The following COL5A3 variants were observed in gnomAD, a reference collection of about 807,000 sequenced individuals.
The protein encoded by COL5A3 is collagen type V alpha 3 chain, also known as collagen alpha-3(V) chain.
Under a neutral mutation model 250.0 loss-of-function variants are expected in COL5A3, and 172 were observed. The ratio of observed to expected loss-of-function variants is 0.69; its 90% CI spans 0.61 to 0.78. The LOEUF is 0.78. Among genes scored for constraint, COL5A3 ranks in the 30% least tolerant of loss-of-function variants. The pLI is 0.00. For missense variants in COL5A3, 2,340 were observed against 2,334.4 expected (o/e 1.00, Z -0.05); for synonymous variants, 937 against 900.4 (o/e 1.04, Z -0.73).
intron 54 of COL5A3, among the ~76,000 whole-genome samples, 196 bp from the exon 55 acceptor site, chr19:9,970,118 GGA>G (rs1318290653): frequency 1.8e-5 from 1 of 54,394 alleles, no homozygotes; most frequent in African/African-American, 1.2e-4. Context: ...GTGGGTGAGT[GGA>G]GGCTGTGGGT....
chr19:9,985,595 C>T (rs2087088227), intron 31 of COL5A3, among the ~76,000 whole-genome samples: 1 of 151,968 alleles, frequency 6.6e-6, no homozygotes, highest in Non-Finnish European at 1.5e-5. Context: ...TCATAGGGAC[C>T]ACGTTTTGCC....
intron 27 of COL5A3, 124 bp downstream of exon 27, chr19:9,989,000 C>A: frequency 1.0e-6 from 1 of 960,172 alleles, no homozygotes; most frequent in South Asian, 1.3e-5. Flanking sequence ...AACCCCAGTC[C>A]CACTACATTT....
chr19:9,966,371 A>C lies in COL5A3; in HGVS notation c.4725T>G (p.Phe1575Leu), dbSNP rs775695009. 3 of 1,610,416 alleles carry C rather than the reference A, an allele frequency of 1.9e-6. No individual in the cohort carries two copies. Among genetic ancestry groups the C allele is most frequent in the Non-Finnish European group, 1.7e-6 (2 of 1,177,874 alleles). The change falls in exon 64 of 67, where the codon TTT (phenylalanine) becomes TTG (leucine). Residue 1575 changes from phenylalanine (F) to leucine (L), a missense_variant. Physicochemically the swap from Phe to Leu is conservative, Grantham distance 22. Around this residue, in one of 3 missense-constraint regions of COL5A3, gnomAD observed 1,179 missense variants for 1,162.6 expected, o/e 1.01. Coordinates refer to ENST00000264828, the MANE Select transcript of COL5A3 (RefSeq NM_015719.4). ...QGCARDSFRVFCNFTAGGETC... is the reference protein window; with the variant it reads ...QGCARDSFRVLCNFTAGGETC... ...TCTCTCCTCCCGCCGTGAAGTTGCA[A>C]AAAACCCTGAACGAGTCCCGCGCGC... is the stretch of plus-strand genomic sequence containing the variant.
At chr19:9,970,422 G>A (rs370850216) in intron 54 of COL5A3, among the ~76,000 whole-genome samples, 200 bp downstream of exon 54, 26 of 80,912 alleles carry the variant, frequency 3.2e-4, no homozygotes, top group East Asian at 2.7e-3. Context: ...AGTGGGGGCT[G>A]TAAGGTGAGT....
At chr19:9,979,275 G>T (rs757866072) in intron 38 of COL5A3, 36 bp from the exon 39 acceptor site, 1 of 1,599,424 alleles carries the variant, frequency 6.3e-7, no homozygotes, top group Admixed American at 1.7e-5. Flanking sequence ...AGTGGGGGTG[G>T]CCTAGGGGAG....
chr19:9,975,901 G>A (rs1394955235), intron 45 of COL5A3, among the ~76,000 whole-genome samples: 3 of 151,978 alleles, frequency 2.0e-5, no homozygotes, highest in African/African-American at 4.8e-5. Context: ...GTTGGGTTGG[G>A]ATTGGGCCAG....
chr19:9,989,458 A>G lies in COL5A3; in HGVS notation c.2046+11T>C, dbSNP rs2145116363. 2.5e-6 allele frequency: 4 copies of G among 1,612,888 alleles called. No homozygotes were observed. Among genetic ancestry groups the G allele is most frequent in the South Asian group, 1.1e-5 (1 of 90,988 alleles). On this transcript the variant is annotated intron_variant, in intron 25 of 66. Transcript: ENST00000264828. ...TTCTCCTTCCTCCTTTTCCCAGCTC[A>G]TGGTTCTCACCAGAGGGCCATCGGA...
chr19:9,976,963 C>T (rs73502989), intron 44 of COL5A3, among the ~76,000 whole-genome samples: 11 of 152,224 alleles, frequency 7.2e-5, no homozygotes, highest in African/African-American at 2.4e-4. Context: ...GTGTCACTAA[C>T]AATGGAGAAG....
At chr19:9,977,947 C>CATATATATATATATATATATATATATAT (rs372091609) in intron 41 of COL5A3, among the ~76,000 whole-genome samples, 2 of 106,162 alleles carry the variant, frequency 1.9e-5, no homozygotes, top group Admixed American at 1.1e-4. Context: ...GCAGCCTATA[C>CATATATATATATATATATATATATATAT]ATATATATAT....
intron 45 of COL5A3, among the ~76,000 whole-genome samples, chr19:9,975,540 T>C (rs550816305): frequency 1.3e-3 from 191 of 152,288 alleles, no homozygotes; most frequent in African/African-American, 4.3e-3. Flanking sequence ...AAGTTGAGCA[T>C]GAGGTTGAGA....
intron 37 of COL5A3, among the ~76,000 whole-genome samples, 193 bp downstream of exon 37, chr19:9,979,646 C>T (rs898414151): frequency 7.9e-5 from 12 of 151,996 alleles, no homozygotes; most frequent in Non-Finnish European, 1.8e-4. Context: ...AAAAATTAGC[C>T]GGGCGTGGTG....
chr19:9,971,157 G>A (rs749933902), intron 52 of COL5A3, 48 bp downstream of exon 52: 1 of 1,479,992 alleles, frequency 6.8e-7, no homozygotes, highest in South Asian at 1.3e-5. Flanking sequence ...AGGGAGATGG[G>A]GACAGAATTA....
At chr19:9,973,488 C>G in intron 50 of COL5A3, 82 bp downstream of exon 50, 1 of 1,414,538 alleles carries the variant, frequency 7.1e-7, no homozygotes, top group Non-Finnish European at 9.7e-7. Flanking sequence ...TTGCACTGTC[C>G]AGAGGTCAAA....
chr19:9,974,404 G>C lies in COL5A3; in HGVS notation c.3347C>G (p.Ala1116Gly). Residue 1116 changes from alanine (A) to glycine (G), a missense_variant, in exon 46 of 67, where the codon GCA becomes GGA. Physicochemically the swap from Ala to Gly is moderately conservative, Grantham distance 60. Transcript: ENST00000264828. ...TCCCCGGCGCCCCTGAGCCCCGTCTGCTCCCTGGAAGAACACAAACAGGGG... is the reference window on the plus strand; with the variant it reads ...TCCCCGGCGCCCCTGAGCCCCGTCTCCTCCCTGGAAGAACACAAACAGGGG... ...GPAGHPGPPGADGAQGRRGPP... is the reference protein window; with the variant it reads ...GPAGHPGPPGGDGAQGRRGPP... 2.5e-6 allele frequency: 4 copies of C among 1,590,810 alleles called. No individual in the cohort carries two copies. Among genetic ancestry groups the C allele is most frequent in the Non-Finnish European group, 3.4e-6 (4 of 1,171,056 alleles).
intron 45 of COL5A3, among the ~76,000 whole-genome samples, chr19:9,975,332 G>C (rs1415941949): frequency 6.6e-6 from 1 of 151,986 alleles, no homozygotes; most frequent in Non-Finnish European, 1.5e-5. Flanking sequence ...CACCCGCCTT[G>C]GCCTCCCAAA....
Position 10,004,145 on chromosome 19 carries a change from C to A in COL5A3, c.595G>T (p.Gly199Ter). The change falls in exon 5 of 67, where the codon GGA becomes TGA. Residue 199 changes from glycine (G) to a stop codon, truncating the protein, a stop_gained and splice_region_variant. Transcript: ENST00000264828. LOFTEE classifies it high-confidence loss of function. ...CTTATCAGCAGCTCCTGAATGTCTC[C>A]CTGGGGGTTGGGGGTGTAGGAGTCA... is the stretch of plus-strand genomic sequence containing the variant. ...TQDLGEKTFEGDIQELLISPD... is the reference protein window; with the variant it reads ...TQDLGEKTFE The A allele has an allele frequency of 6.2e-7, 1 of 1,612,894 alleles. No homozygotes were observed. Among genetic ancestry groups the A allele is most frequent in the East Asian group, 2.2e-5 (1 of 44,878 alleles).
intron 4 of COL5A3, 97 bp from the exon 5 acceptor site, chr19:10,004,242 A>G: frequency 1.2e-6 from 1 of 820,898 alleles, no homozygotes; most frequent in Admixed American, 2.1e-5. Context: ...ACCTCCTGGC[A>G]CCAGGGTGCA....
rs4044577 is a variant in COL5A3 at position 10,009,161 on chromosome 19, G to GGTGTGT, written c.88+1131_88+1136dup. Among the ~76,000 whole-genome samples the GGTGTGT allele has an allele frequency of 3.1e-3, 440 of 140,418 alleles. 2 individuals carry two copies. Among genetic ancestry groups the GGTGTGT allele is most frequent in the African/African-American group, 5.8e-3 (221 of 37,874 alleles). 92.1% of individuals were successfully genotyped at this position (140,418 alleles called of 152,430 possible). On this transcript the variant is annotated intron_variant, in intron 1 of 66. Coordinates refer to ENST00000264828, the MANE Select transcript of COL5A3 (RefSeq NM_015719.4). This position sits in a 1 kb window ranked among gnomAD's most constrained non-coding sequence, Gnocchi z 4.4. ...GACTCCAAAGTAAGAAGTGTGCTGT[G>GGTGTGT]GTGTGTGTGTGTGTGTGTGTGTGTG...
intron 4 of COL5A3, among the ~76,000 whole-genome samples, 178 bp from the exon 5 acceptor site, chr19:10,004,323 A>G (rs2087409084): frequency 6.6e-6 from 1 of 151,738 alleles, no homozygotes; most frequent in Admixed American, 6.6e-5. Context: ...TGATCTCTCT[A>G]CCCCCTGTAA....
Sources: allele counts gnomAD v4.1 joint callset (sites outside exome capture counted in the v4.1 genomes callset), GRCh38; gene constraint gnomAD v4.1.1; regional missense constraint gnomAD v4.1.1; non-coding constraint Gnocchi (gnomAD v3.1); transcripts MANE v1.5; gene names NCBI Gene and HGNC (gene_info 2026-07-23, HGNC 2026-07-21).